Variants in ABCC3 observed in about 807,000 individuals in gnomAD.
ABCC3 encodes the protein ATP-binding cassette sub-family C member 3.
A neutral mutation model predicts 165.3 loss-of-function variants in ABCC3; 121 were observed. The ratio of observed to expected loss-of-function variants is 0.73; its 90% CI spans 0.63 to 0.85. The LOEUF (loss-of-function observed/expected upper bound fraction) is 0.85. ABCC3 is among the 40% of genes least tolerant of loss of function. The probability of loss-of-function intolerance (pLI) is 0.00; values close to 1 mark genes in which losing one functional copy is unlikely to be tolerated. For synonymous variants in ABCC3, 733 were observed against 810.1 expected (o/e 0.90, Z 1.62); for missense variants, 1,869 against 1,964.1 (o/e 0.95, Z 0.92).
chr17:50,687,251 AGC>A, intron 29 of ABCC3: 3 of 438,290 alleles, frequency 6.8e-6, no homozygotes, highest in Admixed American at 3.6e-5. Context: ...CTAGCTGAAA[AGC>A]AAGGATGGGG....
intron 10 of ABCC3, 75 bp downstream of exon 10, chr17:50,664,186 A>G: frequency 6.4e-7 from 1 of 1,573,470 alleles, no homozygotes; most frequent in South Asian, 1.2e-5. Context: ...TTATTCTGGA[A>G]CTGGGAGCAT....
intron 1 of ABCC3, chr17:50,635,292 T>C (rs1469186349): frequency 6.4e-6 from 4 of 622,882 alleles, no homozygotes; most frequent in Non-Finnish European, 1.2e-5. Flanking sequence ...GTGAGTCGGC[T>C]CCATCCCAGC....
At chr17:50,675,540 A>G (rs2146632649) in intron 20 of ABCC3, 64 bp downstream of exon 20, 1 of 1,581,982 alleles carries the variant, frequency 6.3e-7, no homozygotes, top group South Asian at 1.2e-5. Flanking sequence ...GCCCTGCCAG[A>G]TGGGGTGCAG....
intron 2 of ABCC3, 75 bp from the exon 3 acceptor site, chr17:50,656,627 G>A (rs1967254619): frequency 1.3e-6 from 2 of 1,533,496 alleles, no homozygotes; most frequent in Non-Finnish European, 8.8e-7. Context: ...GTGGCTTCAG[G>A]TACAAAGACC....
intron 8 of ABCC3, 142 bp downstream of exon 8, chr17:50,661,256 G>A (rs1567830391): frequency 1.1e-6 from 1 of 876,514 alleles, no homozygotes. Context: ...TGTGACCTTT[G>A]GCAAGTGGCA....
intron 1 of ABCC3, among the ~76,000 whole-genome samples, chr17:50,649,864 G>A (rs1967081254): frequency 6.6e-6 from 1 of 152,136 alleles, no homozygotes; most frequent in Non-Finnish European, 1.5e-5. Flanking sequence ...TATACAAAAA[G>A]TTACATAGTT....
At chr17:50,680,913 A>G (rs1044011002) in intron 26 of ABCC3, among the ~76,000 whole-genome samples, 2 of 152,066 alleles carry the variant, frequency 1.3e-5, no homozygotes, top group African/African-American at 4.8e-5. Flanking sequence ...CATCTCTACT[A>G]AAAATACAAA....
chr17:50,662,657 A>AAGAG lies in ABCC3; in HGVS notation c.999-1014_999-1011dup, dbSNP rs386386243. Among the ~76,000 whole-genome samples, 286 of 147,704 alleles carry AAGAG rather than the reference A, an allele frequency of 1.9e-3. 5 individuals are homozygous for AAGAG. The highest frequency in any genetic ancestry group is 3.9e-3 in the South Asian group (18 of 4,598). On this transcript the variant is annotated intron_variant, in intron 8 of 30. Coordinates refer to ENST00000285238, the MANE Select transcript of ABCC3 (RefSeq NM_003786.4). ...TGTCTCAAAAAAAAAAAAAAAAAAA[A>AAGAG]AGAGAGAGAGAGACACCAGTCACTG...
intron 3 of ABCC3, 88 bp from the exon 4 acceptor site, chr17:50,656,958 G>A: frequency 6.4e-7 from 1 of 1,555,144 alleles, no homozygotes; most frequent in Non-Finnish European, 8.7e-7. Context: ...GGTGGCCCCA[G>A]AAACTTCTGG....
chr17:50,673,900 T>TTTTC (rs1396264236), intron 19 of ABCC3, among the ~76,000 whole-genome samples: 76 of 131,608 alleles, frequency 5.8e-4, no homozygotes, highest in East Asian at 9.6e-4. Context: ...TCAGAGCCTG[T>TTTTC]TTTCTTTCTT....
chr17:50,685,093 C>T (rs897966105), intron 29 of ABCC3, among the ~76,000 whole-genome samples: 3 of 152,182 alleles, frequency 2.0e-5, no homozygotes, highest in Non-Finnish European at 2.9e-5. Context: ...CCCACTTCAC[C>T]GGTCAGGGAA....
In ABCC3 at chr17:50,675,399, T is replaced by G. The variant is rs942407959; in HGVS notation, c.2637T>G (p.Ile879Met). ...CAGAGGATAAGGAGGCACTGCTGAT[T>G]GAAGACACACTCAGCAACCACACGG... ...EGAEDKEALL[I>M]EDTLSNHTDL... Residue 879 changes from isoleucine to methionine, a missense_variant, in exon 20 of 31, where the codon ATT becomes ATG. Coordinates refer to ENST00000285238, the MANE Select transcript of ABCC3 (RefSeq NM_003786.4). The G allele has an allele frequency of 3.7e-6, 6 of 1,613,950 alleles. No individual in the cohort carries two copies. In the Admixed American group the frequency reaches 8.3e-5, roughly 22 times the overall value.
At chr17:50,685,006 T>C (rs1967998550) in intron 29 of ABCC3, 131 bp downstream of exon 29, 2 of 1,027,160 alleles carry the variant, frequency 1.9e-6, no homozygotes, top group South Asian at 3.3e-5. Flanking sequence ...TCCTTTCGTA[T>C]TGAGCATATT....
rs762519226 is a variant in ABCC3 at position 50,658,226 on chromosome 17, G to A, written c.612+19G>A. 3.1e-6 allele frequency: 5 copies of A among 1,614,012 alleles called. No homozygotes were observed. Among genetic ancestry groups the A allele is most frequent in the African/African-American group, 1.3e-5 (1 of 74,922 alleles). On this transcript the variant is annotated intron_variant, in intron 5 of 30. Transcript: ENST00000285238. ...CGACCCTGTGAGTTTCCCATGGAGG[G>A]TGCGGGGGCTCCACAGCTGAGTCCT...
At chr17:50,673,713 C>T in intron 19 of ABCC3, 55 bp downstream of exon 19, 2 of 1,569,970 alleles carry the variant, frequency 1.3e-6, no homozygotes, top group Non-Finnish European at 1.7e-6. Context: ...TTCCCCCTGT[C>T]TGGGGTCTCT....
chr17:50,645,063 T>G (rs1567824870), intron 1 of ABCC3, among the ~76,000 whole-genome samples: 1 of 150,354 alleles, frequency 6.7e-6, no homozygotes, highest in Non-Finnish European at 1.5e-5. Flanking sequence ...TAGCCTGGCG[T>G]AGTGGCATGT....
chr17:50,656,902 G>C, intron 3 of ABCC3, 75 bp downstream of exon 3: 1 of 1,551,612 alleles, frequency 6.4e-7, no homozygotes, highest in East Asian at 2.3e-5. Flanking sequence ...GAAACTGTGG[G>C]CTCTGAGGAG....
intron 1 of ABCC3, among the ~76,000 whole-genome samples, chr17:50,638,385 A>G (rs1161156942): frequency 6.6e-6 from 1 of 152,226 alleles, no homozygotes; most frequent in Non-Finnish European, 1.5e-5. Flanking sequence ...AAAGCCATCC[A>G]AAGATGGCAA....
intron 7 of ABCC3, 128 bp from the exon 8 acceptor site, chr17:50,660,795 T>G: frequency 1.9e-6 from 1 of 520,352 alleles, no homozygotes; most frequent in Non-Finnish European, 3.3e-6. Flanking sequence ...TCTGTTCCCC[T>G]CCCAGCTCTG....
Sources: gnomAD v4.1 joint callset for allele counts (sites outside exome capture counted in the v4.1 genomes callset) on GRCh38, gnomAD v4.1.1 for gene constraint, MANE v1.5 for transcripts, NCBI Gene and HGNC (gene_info 2026-07-23, HGNC 2026-07-21) for gene names.